PLCE1: variants seen among roughly 807,000 people sequenced by gnomAD.
PLCE1 encodes phospholipase C epsilon 1.
In PLCE1, 119 loss-of-function variants were observed where a neutral mutation model predicts 242.8. The observed-to-expected ratio is 0.49, with a 90% CI of 0.42 to 0.57. The LOEUF (loss-of-function observed/expected upper bound fraction) is 0.57, where lower values mean the gene tolerates loss of function less well. Among genes scored for constraint, PLCE1 ranks in the 20% least tolerant of loss-of-function variants. PLCE1 has a pLI of 0.00. For synonymous variants in PLCE1, 945 were observed against 1,017.4 expected, an observed-to-expected ratio of 0.93 and a Z score of 1.35; for missense variants, 2,441 against 2,788.8, an observed-to-expected ratio of 0.88 and a Z score of 2.81.
chr10:94,181,297 G>A (rs2048302481), intron 4 of PLCE1, among the ~76,000 whole-genome samples: 1 of 152,194 alleles, frequency 6.6e-6, no homozygotes. Context: ...CATGGGCCGG[G>A]TGCGGTGGCT....
chr10:94,142,350 CAA>C (rs5787101), intron 3 of PLCE1, among the ~76,000 whole-genome samples: 8 of 119,392 alleles, frequency 6.7e-5, no homozygotes, highest in African/African-American at 1.7e-4. Flanking sequence ...GATGCTGTCT[CAA>C]AAAAAAAAAA....
At chr10:94,248,296 G>T (rs936860439) in intron 8 of PLCE1, among the ~76,000 whole-genome samples, 3 of 152,108 alleles carry the variant, frequency 2.0e-5, no homozygotes, top group African/African-American at 7.2e-5. Flanking sequence ...TAGTTAACTC[G>T]TCTAAAATGG....
chr10:94,163,394 C>T (rs1299822478), intron 3 of PLCE1, among the ~76,000 whole-genome samples: 3 of 152,146 alleles, frequency 2.0e-5, no homozygotes, highest in South Asian at 2.1e-4. Flanking sequence ...TGAATTGATC[C>T]CTTTACCATT....
chr10:94,261,152 C>A (rs752690678), intron 13 of PLCE1, among the ~76,000 whole-genome samples: 8 of 152,172 alleles, frequency 5.3e-5, no homozygotes, highest in Non-Finnish European at 1.0e-4. Flanking sequence ...TCCATCCCCC[C>A]CGCGACCTCC....
At chr10:94,178,570 C>T (rs183818796) in intron 4 of PLCE1, among the ~76,000 whole-genome samples, 1 of 152,326 alleles carries the variant, frequency 6.6e-6, no homozygotes, top group African/African-American at 2.4e-5. Context: ...AGGCCATCCT[C>T]TCTGTAAAGA....
At chr10:94,167,035 A>C (rs956419180) in intron 3 of PLCE1, among the ~76,000 whole-genome samples, 3 of 152,176 alleles carry the variant, frequency 2.0e-5, no homozygotes, top group African/African-American at 7.2e-5. Flanking sequence ...CACACCTGTA[A>C]TCCTAGCACT....
At chr10:94,201,947 TA>T (rs995065873) in intron 4 of PLCE1, among the ~76,000 whole-genome samples, 1 of 152,060 alleles carries the variant, frequency 6.6e-6, no homozygotes, top group Non-Finnish European at 1.5e-5. Flanking sequence ...AATGAATTGG[TA>T]AAAAAATAAA....
chr10:94,258,541 T>C (rs535287821), intron 11 of PLCE1, among the ~76,000 whole-genome samples: 8 of 152,364 alleles, frequency 5.3e-5, no homozygotes, highest in African/African-American at 1.9e-4. Flanking sequence ...ATTTGATTAA[T>C]AGAGGAATAT....
At chr10:94,240,753 A>T (rs1283536295) in intron 7 of PLCE1, among the ~76,000 whole-genome samples, 1 of 152,212 alleles carries the variant, frequency 6.6e-6, no homozygotes, top group East Asian at 1.9e-4. Flanking sequence ...ACGGTTTCTA[A>T]CTGAATGATA....
At position 94,306,852 on chromosome 10, in the gene PLCE1, A is replaced by G. The variant is rs2053222302; in HGVS notation, c.5884+164A>G. 6.6e-6 allele frequency among the ~76,000 whole-genome samples: 1 copy of G among 152,232 alleles called. No individual in the cohort carries two copies. The highest frequency in any genetic ancestry group is 6.5e-5 in the Admixed American group (1 of 15,278). The stretch of plus-strand genomic sequence containing the variant: ...TGGAGCACTTTTGAAGCACATCTCA[A>G]AAGAAGTTTTTCTTTTACATTTTTT... On this transcript the variant is annotated intron_variant, in intron 26 of 32. Coordinates refer to ENST00000371380, the MANE Select transcript of PLCE1 (RefSeq NM_016341.4). The surrounding 1 kb of genome is among the most constrained non-coding windows in gnomAD (Gnocchi z 5.7).
chr10:94,014,374 CAGG>C (rs1416437731), intron 1 of PLCE1, among the ~76,000 whole-genome samples: 1 of 149,996 alleles, frequency 6.7e-6, no homozygotes, highest in African/African-American at 2.5e-5. Context: ...GAGGCTGAGG[CAGG>C]AGGATTGCTT....
chr10:94,051,286 C>CA (rs869233995), intron 2 of PLCE1, among the ~76,000 whole-genome samples: 2,289 of 29,216 alleles, frequency 0.078, 453 homozygotes, highest in African/African-American at 0.13. Context: ...GACTCCAACT[C>CA]AAAAAAAAAA....
intron 2 of PLCE1, among the ~76,000 whole-genome samples, chr10:94,130,781 T>G (rs573260372): frequency 1.3e-5 from 2 of 152,200 alleles, no homozygotes; most frequent in African/African-American, 4.8e-5. Flanking sequence ...TTGAATATCA[T>G]AGGACTCGGT....
rs554159388 is a variant in PLCE1 at position 94,171,494 on chromosome 10, G to T, written c.1807G>T (p.Glu603Ter). The T allele has an allele frequency of 1.2e-6, 2 of 1,613,114 alleles. No individual in the cohort carries two copies. Among genetic ancestry groups the T allele is most frequent in the Non-Finnish European group, 8.5e-7 (1 of 1,179,088 alleles). Reference protein sequence around the residue: ...ALEDLVMRFNEVSSWVTWLIL... With the variant: ...ALEDLVMRFN ...TGAAGATCTGGTGATGAGGTTTAAT[G>T]AGGTAAGAAGCCACTTTTTGATGTC... The change falls in exon 4 of 33, where the codon GAG (glutamate) becomes TAG (stop). Residue 603 changes from glutamate to a stop codon, truncating the protein, a stop_gained and splice_region_variant. Coordinates refer to ENST00000371380, the MANE Select transcript of PLCE1 (RefSeq NM_016341.4). LOFTEE classifies it high-confidence loss of function.
At chr10:94,054,084 G>A (rs2043837356) in intron 2 of PLCE1, among the ~76,000 whole-genome samples, 1 of 152,078 alleles carries the variant, frequency 6.6e-6, no homozygotes, top group Non-Finnish European at 1.5e-5. Flanking sequence ...CTTCCTTATG[G>A]TCTAGTGGGG....
chr10:94,119,351 C>T (rs1422570581), intron 2 of PLCE1, among the ~76,000 whole-genome samples: 1 of 152,070 alleles, frequency 6.6e-6, no homozygotes, highest in Non-Finnish European at 1.5e-5. Context: ...TGAGATATAA[C>T]CCTCCAGCTG....
rs2053210681 is a variant in PLCE1 at position 94,306,480 on chromosome 10, T to C, written c.5676T>C (p.Ile1892=). The C allele has an allele frequency of 1.2e-6, 2 of 1,614,150 alleles. No individual in the cohort carries two copies. Among genetic ancestry groups the C allele is most frequent in the Non-Finnish European group, 1.7e-6 (2 of 1,180,028 alleles). Residue 1892 remains isoleucine, a synonymous_variant, in exon 26 of 33, where the codon ATT becomes ATC. Transcript: ENST00000371380. The surrounding 1 kb of genome is among the most constrained non-coding windows in gnomAD (Gnocchi z 5.7). The stretch of plus-strand genomic sequence containing the variant: ...GTAATAGCATGGGAAGCCCGTGCAT[T>C]GAAGTCGACGTCCTGGGCATGCCTC... ...CPSNSMGSPC[I]EVDVLGMPLD...
intron 18 of PLCE1, 23 bp from the exon 19 acceptor site, chr10:94,273,539 A>G (rs1215420270): frequency 1.2e-6 from 2 of 1,603,546 alleles, no homozygotes; most frequent in Admixed American, 1.7e-5. Context: ...CATTGATTGT[A>G]TGTTTTCCTT....
At chr10:94,243,061 G>A (rs2050561312) in intron 7 of PLCE1, among the ~76,000 whole-genome samples, 2 of 152,128 alleles carry the variant, frequency 1.3e-5, no homozygotes, top group African/African-American at 4.8e-5. Context: ...CCAAAGAGTA[G>A]AGTATGGAAA....
Sources: gnomAD v4.1 joint callset for allele counts (sites outside exome capture counted in the v4.1 genomes callset) on GRCh38, gnomAD v4.1.1 for gene constraint, Gnocchi (gnomAD v3.1) non-coding constraint, MANE v1.5 for transcripts, NCBI Gene and HGNC (gene_info 2026-07-23, HGNC 2026-07-21) for gene names.